BIRC6: variants seen among roughly 807,000 people sequenced by gnomAD.
BIRC6 encodes the protein baculoviral IAP repeat containing 6, also known as dual E2 ubiquitin-conjugating enzyme/E3 ubiquitin-protein ligase BIRC6.
BIRC6 carries 98 observed loss-of-function variants against 503.3 expected under a neutral mutation model. That is an observed-to-expected ratio of 0.19 (90% confidence interval 0.17 to 0.23). BIRC6 has a LOEUF of 0.23. Among genes scored for constraint, BIRC6 ranks in the 10% least tolerant of loss-of-function variants. BIRC6 has a pLI of 1.00. For synonymous variants in BIRC6, 2,240 were observed against 2,078.7 expected, an observed-to-expected ratio of 1.08 and a Z score of -2.11; for missense variants, 5,360 against 5,806.0, an observed-to-expected ratio of 0.92 and a Z score of 2.50.
At chr2:32,398,560 A>G (rs2040240906) in intron 6 of BIRC6, among the ~76,000 whole-genome samples, 1 of 152,170 alleles carries the variant, frequency 6.6e-6, no homozygotes, top group Non-Finnish European at 1.5e-5. Flanking sequence ...TTTCATACAT[A>G]CTTCCACATC....
At position 32,372,849 on chromosome 2, in the gene BIRC6, G is replaced by GA. The variant is rs551344318; in HGVS notation, c.326-4730dup. On this transcript the variant is annotated intron_variant, in intron 1 of 73. Transcript: ENST00000421745. ...TGTCTCAAAAAAAGACAAAGAGAAAGAAAAAAAAACATTTGGGTGTTTTCA... is the reference window on the plus strand; with the variant it reads ...TGTCTCAAAAAAAGACAAAGAGAAAGAAAAAAAAAACATTTGGGTGTTTTCA... Among the ~76,000 whole-genome samples, 453 of 149,966 alleles carry GA rather than the reference G, an allele frequency of 3.0e-3. 4 individuals are homozygous for GA. Among genetic ancestry groups the GA allele is most frequent in the Non-Finnish European group, 3.7e-3 (250 of 67,404 alleles).
At chr2:32,606,813 C>T (rs1358095283) in intron 71 of BIRC6, among the ~76,000 whole-genome samples, 1 of 151,972 alleles carries the variant, frequency 6.6e-6, no homozygotes, top group Non-Finnish European at 1.5e-5. Context: ...CAAAACCAGC[C>T]TGGCCAACAT....
At chr2:32,592,931 T>G (rs1416149238) in intron 66 of BIRC6, among the ~76,000 whole-genome samples, 1 of 152,200 alleles carries the variant, frequency 6.6e-6, no homozygotes, top group African/African-American at 2.4e-5. Context: ...TGTTACTCTT[T>G]TTATAGTTCT....
intron 66 of BIRC6, among the ~76,000 whole-genome samples, chr2:32,591,329 T>C (rs923281863): frequency 6.6e-6 from 1 of 152,230 alleles, no homozygotes; most frequent in Non-Finnish European, 1.5e-5. Context: ...CTGAGGATTC[T>C]TGCACAATTA....
In BIRC6 at chr2:32,491,527, G is replaced by T. The variant is rs781517747; in HGVS notation, c.8309G>T (p.Ser2770Ile). ...TTAGTGAAATTTCTTTCTGGCACCA[G>T]TCCACATGGAACAAATCAACACAGT... is the stretch of plus-strand genomic sequence containing the variant. ...HVLVKFLSGT[S>I]PHGTNQHSPQ... Residue 2770 changes from serine to isoleucine, a missense_variant, in exon 44 of 74, where the codon AGT (serine) becomes ATT (isoleucine). By Grantham distance (142) the Ser-to-Ile change is moderately radical. Coordinates refer to ENST00000421745, the MANE Select transcript of BIRC6 (RefSeq NM_016252.4). 1 of 1,613,540 alleles carries T rather than the reference G, an allele frequency of 6.2e-7. No individual in the cohort carries two copies. The highest frequency in any genetic ancestry group is 1.7e-5 in the Admixed American group (1 of 60,016).
At chr2:32,481,044 A>G (rs1051714117) in intron 37 of BIRC6, among the ~76,000 whole-genome samples, 1 of 152,176 alleles carries the variant, frequency 6.6e-6, no homozygotes, top group Non-Finnish European at 1.5e-5. Context: ...TAGAATGTAT[A>G]TTATTTAGTA....
intron 65 of BIRC6, among the ~76,000 whole-genome samples, chr2:32,551,018 T>G (rs2058384229): frequency 6.6e-6 from 1 of 152,086 alleles, no homozygotes; most frequent in Non-Finnish European, 1.5e-5. Flanking sequence ...TGTCCAGTGG[T>G]TAATTCTAAT....
intron 60 of BIRC6, 112 bp from the exon 61 acceptor site, chr2:32,531,242 TG>T: frequency 1.2e-6 from 1 of 839,732 alleles, no homozygotes; most frequent in Non-Finnish European, 1.8e-6. Flanking sequence ...AATGATGTTT[TG>T]TGCTCTTTTT....
chr2:32,556,890 G>A (rs1217293445), intron 65 of BIRC6, among the ~76,000 whole-genome samples: 1 of 152,124 alleles, frequency 6.6e-6, no homozygotes, highest in African/African-American at 2.4e-5. Flanking sequence ...AGTGAGTCAA[G>A]AACGAGCCAC....
chr2:32,504,772 A>G (rs963070199), intron 49 of BIRC6, among the ~76,000 whole-genome samples: 3 of 152,192 alleles, frequency 2.0e-5, no homozygotes, highest in Non-Finnish European at 4.4e-5. Context: ...GTATCATATG[A>G]GTACAAAGTA....
intron 21 of BIRC6, among the ~76,000 whole-genome samples, chr2:32,446,164 C>T (rs763603709): frequency 6.6e-6 from 1 of 152,180 alleles, no homozygotes; most frequent in Non-Finnish European, 1.5e-5. Flanking sequence ...CCAGAAATTA[C>T]TCTTTAACAG....
intron 51 of BIRC6, among the ~76,000 whole-genome samples, chr2:32,508,951 G>A (rs571788935): frequency 6.6e-6 from 1 of 151,972 alleles, no homozygotes; most frequent in Non-Finnish European, 1.5e-5. Flanking sequence ...GGGCATGGCG[G>A]TGTGCTGCTT....
At chr2:32,524,130 A>C (rs1053191390) in intron 57 of BIRC6, among the ~76,000 whole-genome samples, 1 of 152,086 alleles carries the variant, frequency 6.6e-6, no homozygotes, top group African/African-American at 2.4e-5. Flanking sequence ...TCAGCCTTTA[A>C]ATTTCTTAAT....
chr2:32,357,027 C>A lies in BIRC6; in HGVS notation c.-135C>A. 1.3e-6 allele frequency: 1 copy of A among 797,350 alleles called. No individual in the cohort carries two copies. The highest frequency in any genetic ancestry group is 1.8e-6 in the Non-Finnish European group (1 of 547,546). 49.4% of individuals were successfully genotyped at this position (797,350 alleles called of 1,614,324 possible). A position where few individuals can be genotyped will look rare whatever the true frequency, so the allele number is the denominator to read the frequency against. On this transcript the variant is annotated 5_prime_UTR_variant, in exon 1 of 74. Transcript: ENST00000421745. The surrounding 1 kb of genome is among the most constrained non-coding windows in gnomAD (Gnocchi z 4.9). Reference sequence around the variant, plus strand: ...AGCCCGCGCCCCGGGCCCCGCCTCCCTCCCTGCTTCTCCCCCTCTCCCGTC... The same window carrying A: ...AGCCCGCGCCCCGGGCCCCGCCTCCATCCCTGCTTCTCCCCCTCTCCCGTC...
chr2:32,447,556 G>T (rs1444472357), intron 21 of BIRC6, among the ~76,000 whole-genome samples: 1 of 115,486 alleles, frequency 8.7e-6, no homozygotes, highest in African/African-American at 3.6e-5. Flanking sequence ...GGGCGGCCGG[G>T]CAGAGGCGCC....
chr2:32,418,750 C>T (rs1331986376), intron 10 of BIRC6, among the ~76,000 whole-genome samples: 2 of 152,120 alleles, frequency 1.3e-5, no homozygotes, highest in South Asian at 2.1e-4. Context: ...ATAGTATTTA[C>T]ACCTTAAATA....
chr2:32,458,777 C>G (rs1026131925), intron 23 of BIRC6, among the ~76,000 whole-genome samples: 1 of 148,560 alleles, frequency 6.7e-6, no homozygotes, highest in Non-Finnish European at 1.5e-5. Flanking sequence ...TCACTGTAGC[C>G]TCACCTCCTG....
intron 9 of BIRC6, among the ~76,000 whole-genome samples, chr2:32,409,581 A>C (rs574022551): frequency 6.6e-6 from 1 of 152,298 alleles, no homozygotes; most frequent in South Asian, 2.1e-4. Flanking sequence ...TGGTATTTGA[A>C]CCACAGATCA....
intron 53 of BIRC6, among the ~76,000 whole-genome samples, chr2:32,512,269 G>T (rs953783006): frequency 2.5e-4 from 38 of 152,206 alleles, no homozygotes; most frequent in Admixed American, 1.1e-3. Context: ...TTCTGAAATA[G>T]AAATTGAAGG....
Sources: gnomAD v4.1 joint callset for allele counts (sites outside exome capture counted in the v4.1 genomes callset) on GRCh38, gnomAD v4.1.1 for gene constraint, Gnocchi (gnomAD v3.1) non-coding constraint, MANE v1.5 for transcripts, NCBI Gene and HGNC (gene_info 2026-07-23, HGNC 2026-07-21) for gene names.